Variants in TNIK observed in about 807,000 individuals in gnomAD.
The protein encoded by TNIK is TRAF2 and NCK-interacting protein kinase.
A neutral mutation model predicts 191.3 loss-of-function variants in TNIK; 49 were observed. That is an observed-to-expected ratio of 0.26 (90% CI 0.20 to 0.32). The LOEUF is 0.32. Among genes scored for constraint, TNIK ranks in the 10% least tolerant of loss-of-function variants. The pLI is 1.00. For synonymous variants in TNIK, 594 were observed against 600.9 expected (o/e 0.99, Z 0.17); for missense variants, 1,155 against 1,702.3 (o/e 0.68, Z 5.66).
intron 23 of TNIK, among the ~76,000 whole-genome samples, chr3:171,089,783 G>A (rs964065674): frequency 5.3e-5 from 8 of 152,078 alleles, no homozygotes; most frequent in Non-Finnish European, 1.0e-4. Flanking sequence ...CACCATTCCC[G>A]TGGGGATTGG....
chr3:171,084,013 G>T (rs1008371472), intron 26 of TNIK, 142 bp downstream of exon 26: 2 of 1,144,152 alleles, frequency 1.7e-6, no homozygotes, highest in African/African-American at 1.6e-5. Flanking sequence ...CTGAGGTCAA[G>T]ATAGTCCCAA....
intron 15 of TNIK, among the ~76,000 whole-genome samples, chr3:171,134,061 A>G (rs1404596463): frequency 2.0e-5 from 3 of 152,110 alleles, no homozygotes; most frequent in Non-Finnish European, 4.4e-5. Context: ...AAGGAAGGGG[A>G]GCCCACACAG....
intron 2 of TNIK, among the ~76,000 whole-genome samples, chr3:171,293,486 T>C (rs559718216): frequency 1.3e-5 from 2 of 152,332 alleles, no homozygotes; most frequent in Non-Finnish European, 2.9e-5. Flanking sequence ...GGGGAAATTA[T>C]TTTCAATTTT....
chr3:171,264,880 C>T (rs552031256), intron 2 of TNIK, among the ~76,000 whole-genome samples: 13 of 152,256 alleles, frequency 8.5e-5, no homozygotes, highest in East Asian at 1.9e-4. Context: ...GAATGTTCTC[C>T]GAGTTCACCC....
intron 20 of TNIK, 58 bp downstream of exon 20, chr3:171,108,007 T>C: frequency 6.5e-7 from 1 of 1,527,706 alleles, no homozygotes; most frequent in East Asian, 2.5e-5. Context: ...AACTACTTAA[T>C]CCTGTGGGTT....
At chr3:171,395,229 G>A (rs904567314) in intron 1 of TNIK, among the ~76,000 whole-genome samples, 6 of 152,242 alleles carry the variant, frequency 3.9e-5, no homozygotes, top group South Asian at 2.1e-4. Flanking sequence ...AGACAGACAC[G>A]GGGTGAAATT....
intron 2 of TNIK, among the ~76,000 whole-genome samples, chr3:171,239,269 T>C (rs903737131): frequency 2.0e-5 from 3 of 152,202 alleles, no homozygotes; most frequent in Non-Finnish European, 4.4e-5. Context: ...AAGCTAAAAA[T>C]GTAACAGTCA....
At chr3:171,215,855 AC>A (rs1425224155) in intron 3 of TNIK, among the ~76,000 whole-genome samples, 4 of 152,204 alleles carry the variant, frequency 2.6e-5, no homozygotes, top group Admixed American at 6.5e-5. Context: ...AGTCTGCCCA[AC>A]ATTTAACTCT....
chr3:171,288,404 C>T (rs913537417), intron 2 of TNIK, among the ~76,000 whole-genome samples: 4 of 151,844 alleles, frequency 2.6e-5, no homozygotes, highest in Non-Finnish European at 5.9e-5. Flanking sequence ...ACGAACTTTC[C>T]AGATGATCCC....
Position 171,157,630 on chromosome 3 carries a change from G to A in TNIK, c.1051C>T (p.Arg351Trp). ...AGCTGCAGCCTCAGAAAGTCCCTCC[G>A]CAGCGTCGACTCCCCTGGCAGATTC... ...ILNLPGESTL[R>W]RDFLRLQLAN... is the part of the protein sequence containing the mutation. The change falls in exon 12 of 33, where the codon CGG becomes TGG. Residue 351 changes from arginine to tryptophan, a missense_variant. Transcript: ENST00000436636. 2.6e-6 allele frequency: 4 copies of A among 1,556,164 alleles called. No individual in the cohort carries two copies. Among genetic ancestry groups the A allele is most frequent in the East Asian group, 2.4e-5 (1 of 41,128 alleles).
At chr3:171,228,110 C>A (rs185590332) in intron 3 of TNIK, 55 bp downstream of exon 3, 1 of 1,593,524 alleles carries the variant, frequency 6.3e-7, no homozygotes, top group Non-Finnish European at 8.6e-7. Context: ...GTGAACTCAT[C>A]ATAAGTCAAG....
intron 7 of TNIK, among the ~76,000 whole-genome samples, chr3:171,179,491 G>A (rs897195869): frequency 2.6e-5 from 4 of 151,488 alleles, no homozygotes; most frequent in South Asian, 2.1e-4. Flanking sequence ...TCGCTCTGTC[G>A]CCCAGGCTGG....
intron 32 of TNIK, 171 bp from the exon 33 acceptor site, chr3:171,064,135 A>T: frequency 1.4e-5 from 8 of 568,532 alleles, no homozygotes; most frequent in Middle Eastern, 2.7e-4. Flanking sequence ...CTATGTAAAA[A>T]CTCCTGCCTT....
At chr3:171,310,963 C>T (rs1753955773) in intron 2 of TNIK, among the ~76,000 whole-genome samples, 1 of 152,160 alleles carries the variant, frequency 6.6e-6, no homozygotes, top group East Asian at 1.9e-4. Context: ...AGATCATGTT[C>T]TGTTTCCCCA....
chr3:171,304,229 A>G (rs1279598977), intron 2 of TNIK, among the ~76,000 whole-genome samples: 1 of 152,202 alleles, frequency 6.6e-6, no homozygotes, highest in Non-Finnish European at 1.5e-5. Flanking sequence ...AAGCCCCACA[A>G]GGAAAGCAGA....
At chr3:171,103,915 T>C (rs976796704) in intron 21 of TNIK, among the ~76,000 whole-genome samples, 2 of 152,076 alleles carry the variant, frequency 1.3e-5, no homozygotes, top group African/African-American at 2.4e-5. Flanking sequence ...TTAAAAAAAC[T>C]TTCACTTGTT....
At chr3:171,426,106 A>G (rs1479012564) in intron 1 of TNIK, among the ~76,000 whole-genome samples, 6 of 152,076 alleles carry the variant, frequency 3.9e-5, no homozygotes, top group African/African-American at 7.2e-5. Context: ...ACATGCACAC[A>G]TATGTTTACT....
At chr3:171,308,988 G>A (rs1753746605) in intron 2 of TNIK, among the ~76,000 whole-genome samples, 1 of 152,166 alleles carries the variant, frequency 6.6e-6, no homozygotes, top group South Asian at 2.1e-4. Context: ...AAGCAGTTCG[G>A]TGATTTCTCA....
intron 9 of TNIK, among the ~76,000 whole-genome samples, chr3:171,168,602 T>C (rs530545529): frequency 1.6e-4 from 25 of 152,312 alleles, no homozygotes; most frequent in African/African-American, 5.5e-4. Flanking sequence ...CCGCTCTAAA[T>C]TTCTAAGCTA....
Sources: gnomAD v4.1 joint callset for allele counts (sites outside exome capture counted in the v4.1 genomes callset) on GRCh38, gnomAD v4.1.1 for gene constraint, MANE v1.5 for transcripts, NCBI Gene and HGNC (gene_info 2026-07-23, HGNC 2026-07-21) for gene names.